The following CLVS1 variants were observed in gnomAD, a reference collection of about 807,000 sequenced individuals.
CLVS1 encodes the protein clavesin-1.
A neutral mutation model predicts 33.1 loss-of-function variants in CLVS1; 10 were observed. That is an observed-to-expected ratio of 0.30 (90% CI 0.19 to 0.51). The LOEUF is 0.51. CLVS1 is among the 20% of genes least tolerant of loss of function. The pLI is 0.97. For missense variants in CLVS1, 343 were observed against 433.4 expected, an observed-to-expected ratio of 0.79 and a Z score of 1.85; for synonymous variants, 163 against 166.1, an observed-to-expected ratio of 0.98 and a Z score of 0.14.
At chr8:61,083,640 T>G (rs1056637098) in intron 1 of CLVS1, among the ~76,000 whole-genome samples, 3 of 151,982 alleles carry the variant, frequency 2.0e-5, no homozygotes, top group African/African-American at 4.8e-5. Context: ...TTATTTAACA[T>G]TGGAAAATTG....
At chr8:61,258,592 C>T (rs1809134378) in intron 2 of CLVS1, among the ~76,000 whole-genome samples, 1 of 152,144 alleles carries the variant, frequency 6.6e-6, no homozygotes, top group African/African-American at 2.4e-5. Context: ...ACCTCTGTGA[C>T]CCAGGCATCT....
the CLVS1 span, among the ~76,000 whole-genome samples, chr8:61,041,389 A>T: frequency 1.3e-5 from 2 of 152,116 alleles, no homozygotes; most frequent in Non-Finnish European, 2.9e-5. Flanking sequence ...TCTTGATAGG[A>T]ATAATGTTGA....
chr8:61,381,903 C>T (rs1213213236), intron 3 of CLVS1, among the ~76,000 whole-genome samples: 1 of 152,122 alleles, frequency 6.6e-6, no homozygotes, highest in Non-Finnish European at 1.5e-5. Context: ...TGAACATATG[C>T]ATGCATGTGC....
At chr8:61,285,885 T>C (rs182254720), upstream of CLVS1, among the ~76,000 whole-genome samples, 2 of 151,840 alleles carry the variant, frequency 1.3e-5, no homozygotes, top group East Asian at 3.9e-4. Flanking sequence ...GCCAAGAAAA[T>C]GTGTGAGGAA....
At chr8:61,286,456 C>T (rs891708895), upstream of CLVS1, among the ~76,000 whole-genome samples, 5 of 152,218 alleles carry the variant, frequency 3.3e-5, no homozygotes, top group African/African-American at 1.2e-4. Flanking sequence ...AACCATTTCT[C>T]AATTTTGAAT....
intron 4 of CLVS1, among the ~76,000 whole-genome samples, chr8:61,455,395 T>G (rs562720382): frequency 1.3e-5 from 2 of 152,260 alleles, no homozygotes; most frequent in African/African-American, 2.4e-5. Context: ...CAACCACCCT[T>G]CTATTCTATA....
chr8:61,330,538 C>T (rs1811555362), intron 2 of CLVS1, among the ~76,000 whole-genome samples: 2 of 152,272 alleles, frequency 1.3e-5, no homozygotes, highest in African/African-American at 4.8e-5. Flanking sequence ...ATTAATTCAC[C>T]TTCAGCAGTG....
chr8:61,467,588 G>T (rs1026874035), intron 5 of CLVS1, among the ~76,000 whole-genome samples: 1 of 152,134 alleles, frequency 6.6e-6, no homozygotes, highest in African/African-American at 2.4e-5. Context: ...ATTATTATAG[G>T]AAGGGGCAGT....
chr8:61,252,297 T>A (rs1305794032), intron 2 of CLVS1, among the ~76,000 whole-genome samples: 4 of 152,238 alleles, frequency 2.6e-5, no homozygotes, highest in Non-Finnish European at 5.9e-5. Flanking sequence ...TGTTATGATT[T>A]CCATTCTTTT....
At chr8:61,147,090 G>C (rs1200231915) in intron 2 of CLVS1, among the ~76,000 whole-genome samples, 1 of 152,198 alleles carries the variant, frequency 6.6e-6, no homozygotes, top group Non-Finnish European at 1.5e-5. Flanking sequence ...CCTTCTACTG[G>C]GGGTGTCCCC....
At chr8:61,255,669 A>G (rs1809063198) in intron 2 of CLVS1, among the ~76,000 whole-genome samples, 1 of 152,202 alleles carries the variant, frequency 6.6e-6, no homozygotes, top group African/African-American at 2.4e-5. Flanking sequence ...ACATCTTTTC[A>G]AGCAACACAA....
At chr8:61,264,746 T>G (rs1288698185) in intron 2 of CLVS1, 1 of 152,210 alleles carries the variant, frequency 6.6e-6, no homozygotes, top group Non-Finnish European at 1.5e-5. Flanking sequence ...CAGAATGATA[T>G]GGTCAGAGTT....
In CLVS1 at chr8:61,123,459, T is replaced by A. The variant is rs576014217; in HGVS notation, c.-242-8311T>A. On this transcript the variant is annotated intron_variant, in intron 1 of 2. Coordinates refer to the CLVS1 transcript ENST00000522621. ...AGTTATAAATACGTTTGTATGCTAC[T>A]AAGCTAAAAATTATATGTGGTAAAC... Among the ~76,000 whole-genome samples the A allele has an allele frequency of 8.5e-5, 13 of 152,356 alleles. No individual in the cohort carries two copies. In the South Asian group the frequency reaches 2.5e-3, roughly 29 times the overall value.
intron 1 of CLVS1, among the ~76,000 whole-genome samples, chr8:61,069,774 CT>C (rs1804757582): frequency 6.6e-6 from 1 of 151,950 alleles, no homozygotes; most frequent in Non-Finnish European, 1.5e-5. Flanking sequence ...TCCTTTTTTT[CT>C]TTCTTTTTAT....
chr8:61,147,522 C>T (rs1467211847), intron 2 of CLVS1, among the ~76,000 whole-genome samples: 1 of 152,138 alleles, frequency 6.6e-6, no homozygotes, highest in African/African-American at 2.4e-5. Flanking sequence ...TCAAAATATC[C>T]TAGATAGGTG....
intron 1 of CLVS1, among the ~76,000 whole-genome samples, chr8:61,082,358 A>G (rs187248143): frequency 9.8e-5 from 15 of 152,292 alleles, no homozygotes; most frequent in African/African-American, 3.6e-4. Context: ...AGAAAAAGAA[A>G]AAGGAAGAGA....
At chr8:61,416,305 GATACATACATAC>G (rs61146034) in intron 3 of CLVS1, among the ~76,000 whole-genome samples, 1,283 of 107,174 alleles carry the variant, frequency 0.012, 29 homozygotes, top group African/African-American at 0.05. Flanking sequence ...TAGCTAGCTA[GATACATACATAC>G]ATACATACAT....
Position 61,376,746 on chromosome 8 carries a change from T to G in CLVS1, c.597T>G (p.Pro199=), listed in dbSNP as rs1333429080. 1 of 1,614,004 alleles carries G rather than the reference T, an allele frequency of 6.2e-7. No individual in the cohort carries two copies. The highest frequency in any genetic ancestry group is 8.5e-7 in the Non-Finnish European group (1 of 1,179,982). ...FSFKQASKLT[P]SILKLAIEGL... is the part of the protein sequence containing the mutation. ...TCAAACAAGCCTCCAAACTGACACC[T>G]TCAATCCTTAAACTGGCCATTGAAG... The change falls in exon 3 of 6, where the codon CCT becomes CCG. Residue 199 remains proline, a synonymous_variant. Coordinates refer to ENST00000325897, the MANE Select transcript of CLVS1 (RefSeq NM_173519.3).
intron 5 of CLVS1, among the ~76,000 whole-genome samples, chr8:61,492,821 TA>T (rs1161928441): frequency 2.0e-5 from 3 of 152,188 alleles, no homozygotes; most frequent in East Asian, 1.9e-4. Flanking sequence ...AGGCTTCTCT[TA>T]AAAAAATTAT....
Sources: gnomAD v4.1 joint callset for allele counts (sites outside exome capture counted in the v4.1 genomes callset) on GRCh38, gnomAD v4.1.1 for gene constraint, MANE v1.5 for transcripts, NCBI Gene and HGNC (gene_info 2026-07-23, HGNC 2026-07-21) for gene names.